The following ADAMTSL1 variants were observed in gnomAD, a reference collection of about 807,000 sequenced individuals.
ADAMTSL1 encodes the protein ADAMTS-like protein 1.
ADAMTSL1 carries 126 observed loss-of-function variants against 201.8 expected under a neutral mutation model. That is an observed-to-expected ratio of 0.62 (90% confidence interval 0.54 to 0.72). ADAMTSL1 has a LOEUF of 0.72. ADAMTSL1 is among the 30% of genes least tolerant of loss of function. ADAMTSL1 has a pLI of 0.00. For missense variants in ADAMTSL1, 2,679 were observed against 2,277.8 expected, an observed-to-expected ratio of 1.18 and a Z score of -3.59; for synonymous variants, 1,121 against 903.4, an observed-to-expected ratio of 1.24 and a Z score of -4.32.
rs550777594 is a variant in ADAMTSL1, at chr9:18,151,689, G to A, written c.88-12173G>A. Among the ~76,000 whole-genome samples, 11 of 152,126 alleles carry A rather than the reference G, an allele frequency of 7.2e-5. No individual in the cohort carries two copies. In the South Asian group the frequency reaches 1.9e-3, roughly 26 times the overall value. The stretch of plus-strand genomic sequence containing the variant: ...CTGGCCTTGGTATCTTTATAACATA[G>A]TAAGAAAGGTAAGATGAATTCCCAA... On this transcript the variant is annotated intron_variant, in intron 1 of 29. Coordinates refer to the ADAMTSL1 transcript ENST00000680146.
At chr9:18,325,816 C>G (rs558649700) in intron 2 of ADAMTSL1, among the ~76,000 whole-genome samples, 1 of 151,968 alleles carries the variant, frequency 6.6e-6, no homozygotes, top group Non-Finnish European at 1.5e-5. Context: ...TCTCTGCTCA[C>G]TGCAACCTCC....
At chr9:18,057,819 T>C (rs1166606236) in intron 1 of ADAMTSL1, among the ~76,000 whole-genome samples, 1 of 152,218 alleles carries the variant, frequency 6.6e-6, no homozygotes, top group Non-Finnish European at 1.5e-5. Context: ...ACTCATTCTT[T>C]AGGATTGAGT....
intron 1 of ADAMTSL1, among the ~76,000 whole-genome samples, chr9:17,922,755 A>G (rs981672045): frequency 2.0e-5 from 3 of 152,130 alleles, no homozygotes; most frequent in African/African-American, 7.2e-5. Context: ...AGCATACGCT[A>G]TTATTTTAGT....
intron 2 of ADAMTSL1, among the ~76,000 whole-genome samples, chr9:18,219,617 C>G (rs1045909855): frequency 2.0e-5 from 3 of 152,082 alleles, no homozygotes; most frequent in Admixed American, 6.6e-5. Context: ...GGTCTGCCCA[C>G]CTTGGCCTGG....
chr9:17,964,073 C>G (rs1817876238), intron 1 of ADAMTSL1, among the ~76,000 whole-genome samples: 1 of 152,056 alleles, frequency 6.6e-6, no homozygotes, highest in African/African-American at 2.4e-5. Flanking sequence ...ATTGTGAAAA[C>G]CATGTTTCCT....
intron 4 of ADAMTSL1, among the ~76,000 whole-genome samples, chr9:18,599,050 T>A (rs1356970869): frequency 6.6e-6 from 1 of 152,136 alleles, no homozygotes; most frequent in East Asian, 1.9e-4. Flanking sequence ...TGAGGGTGAC[T>A]GTCAACTTCT....
At chr9:18,360,053 A>G (rs1009514779) in intron 2 of ADAMTSL1, among the ~76,000 whole-genome samples, 1 of 152,054 alleles carries the variant, frequency 6.6e-6, no homozygotes, top group African/African-American at 2.4e-5. Flanking sequence ...AGTGCTCAAT[A>G]TATAGTAATT....
intron 4 of ADAMTSL1, among the ~76,000 whole-genome samples, chr9:18,578,020 T>G (rs1822849563): frequency 6.6e-6 from 1 of 151,072 alleles, no homozygotes; most frequent in Non-Finnish European, 1.5e-5. Context: ...ACAGAAATTG[T>G]CACTAATAGC....
intron 9 of ADAMTSL1, among the ~76,000 whole-genome samples, chr9:18,672,542 G>A (rs1564137825): frequency 6.6e-6 from 1 of 152,070 alleles, no homozygotes; most frequent in Non-Finnish European, 1.5e-5. Flanking sequence ...GTGTATACAT[G>A]TGTCACATGA....
At chr9:18,636,878 C>T (rs772318231) in intron 6 of ADAMTSL1, among the ~76,000 whole-genome samples, 7 of 152,138 alleles carry the variant, frequency 4.6e-5, no homozygotes, top group Non-Finnish European at 7.4e-5. Flanking sequence ...TCCTGGGTTT[C>T]CACAAAGCCA....
intron 2 of ADAMTSL1, among the ~76,000 whole-genome samples, chr9:18,359,333 T>G (rs374473486): frequency 1.3e-5 from 2 of 152,304 alleles, no homozygotes; most frequent in African/African-American, 4.8e-5. Context: ...CAGAATCCGA[T>G]GCTGTCCTAA....
At position 18,906,694 on chromosome 9, in the gene ADAMTSL1, C is replaced by G. The variant is rs745711081; in HGVS notation, c.4964C>G (p.Pro1655Arg). The change falls in exon 28 of 29, where the codon CCT (proline) becomes CGT (arginine). Residue 1655 changes from proline to arginine, a missense_variant and splice_region_variant. By Grantham distance (103) the Pro-to-Arg change is moderately radical (BLOSUM62 -2). Coordinates refer to ENST00000380548, the MANE Select transcript of ADAMTSL1 (RefSeq NM_001040272.6). ...ACCCTGCCACCATCCTCCTGCAGGCCTGTGAGCACCCAGAACTGCTGGTCA... is the reference window on the plus strand; with the variant it reads ...ACCCTGCCACCATCCTCCTGCAGGCGTGTGAGCACCCAGAACTGCTGGTCA... ...PSEQCSALPR[P>R]VSTQNCWSEA... is the part of the protein sequence containing the mutation. The G allele has an allele frequency of 1.9e-6, 3 of 1,588,042 alleles. No homozygotes were observed. The African/African-American group carries it at 4.0e-5, about 21-fold the overall frequency.
At chr9:18,554,667 TG>T (rs1433885449) in intron 3 of ADAMTSL1, among the ~76,000 whole-genome samples, 87 of 47,520 alleles carry the variant, frequency 1.8e-3, no homozygotes, top group African/African-American at 0.014. Context: ...TGGATCTGAG[TG>T]GTTTTTTTTT....
At chr9:18,499,162 A>G (rs1215572566) in intron 1 of ADAMTSL1, among the ~76,000 whole-genome samples, 2 of 152,244 alleles carry the variant, frequency 1.3e-5, no homozygotes, top group African/African-American at 4.8e-5. Flanking sequence ...GCAGTTCATC[A>G]TATCTCCCAA....
At chr9:18,540,425 A>G (rs1820058973) in intron 3 of ADAMTSL1, among the ~76,000 whole-genome samples, 1 of 152,186 alleles carries the variant, frequency 6.6e-6, no homozygotes, top group Non-Finnish European at 1.5e-5. Flanking sequence ...GGGTTGCTCT[A>G]CCTGAGGTGG....
At chr9:18,721,902 G>C (rs1833408598) in intron 15 of ADAMTSL1, among the ~76,000 whole-genome samples, 1 of 152,200 alleles carries the variant, frequency 6.6e-6, no homozygotes, top group African/African-American at 2.4e-5. Flanking sequence ...TTGAGCCTGT[G>C]GCATGGCTGG....
At chr9:18,744,613 A>T (rs905400163) in intron 15 of ADAMTSL1, among the ~76,000 whole-genome samples, 5 of 152,246 alleles carry the variant, frequency 3.3e-5, no homozygotes, top group Admixed American at 6.5e-5. Context: ...CACCCTTTAC[A>T]TGGAGGTTCT....
At chr9:18,208,097 T>A (rs190732580) in intron 2 of ADAMTSL1, among the ~76,000 whole-genome samples, 1 of 152,250 alleles carries the variant, frequency 6.6e-6, no homozygotes, top group Non-Finnish European at 1.5e-5. Flanking sequence ...TGATGTACAT[T>A]TTGTTAGGGG....
rs536713147 is a variant in ADAMTSL1 at position 18,064,004 on chromosome 9, G to C, written c.88-99858G>C. Among the ~76,000 whole-genome samples, 8 of 152,078 alleles carry C rather than the reference G, an allele frequency of 5.3e-5. No homozygotes were observed. The South Asian group carries it at 6.2e-4, about 12-fold the overall frequency. On this transcript the variant is annotated intron_variant, in intron 1 of 29. Coordinates refer to the ADAMTSL1 transcript ENST00000680146. ...CCTCCCTTCTCTCCCCTCATTCATG[G>C]CACCATGCATATTTTTATGAATCCC...
Sources: allele counts gnomAD v4.1 joint callset (sites outside exome capture counted in the v4.1 genomes callset), GRCh38; gene constraint gnomAD v4.1.1; transcripts MANE v1.5; gene names NCBI Gene and HGNC (gene_info 2026-07-23, HGNC 2026-07-21).